The following SYT9 variants were observed in gnomAD, a reference collection of about 807,000 sequenced individuals.
SYT9 encodes synaptotagmin-9.
A neutral mutation model predicts 48.4 loss-of-function variants in SYT9; 22 were observed. The ratio of observed to expected loss-of-function variants is 0.45; its 90% CI spans 0.32 to 0.65. The LOEUF (loss-of-function observed/expected upper bound fraction) is 0.65, where lower values mean the gene tolerates loss of function less well. SYT9 is among the 30% of genes least tolerant of loss of function. The pLI, the probability that SYT9 is intolerant of heterozygous loss-of-function variation, is 0.03. For missense variants in SYT9, 577 were observed against 622.0 expected (o/e 0.93, Z 0.77); for synonymous variants, 265 against 245.0 (o/e 1.08, Z -0.76).
At chr11:7,260,737 G>A (rs1467418871) in intron 1 of SYT9, among the ~76,000 whole-genome samples, 3 of 152,134 alleles carry the variant, frequency 2.0e-5, no homozygotes, top group Non-Finnish European at 4.4e-5. Flanking sequence ...ATCAATGAAT[G>A]GAAGTTTACC....
At chr11:7,415,909 GAAGA>G in intron 3 of SYT9, 129 bp from the exon 4 acceptor site, 1 of 1,117,278 alleles carries the variant, frequency 9.0e-7, no homozygotes, top group Middle Eastern at 2.7e-4. Flanking sequence ...GACATGAACG[GAAGA>G]GATACCAGGG....
At chr11:7,250,440 TC>T (rs35685637), upstream of SYT9, among the ~76,000 whole-genome samples, 2 of 116,338 alleles carry the variant, frequency 1.7e-5, no homozygotes, top group African/African-American at 3.5e-5. Context: ...TTACTATATG[TC>T]CCCCCCGCCA....
chr11:7,351,528 T>C (rs1230057449), intron 3 of SYT9, among the ~76,000 whole-genome samples: 1 of 152,190 alleles, frequency 6.6e-6, no homozygotes, highest in Non-Finnish European at 1.5e-5. Context: ...AGCCTTACCC[T>C]GTCATCATTG....
chr11:7,281,353 T>C (rs1848489210), intron 1 of SYT9, among the ~76,000 whole-genome samples: 1 of 152,350 alleles, frequency 6.6e-6, no homozygotes, highest in African/African-American at 2.4e-5. Context: ...GCTCTGTGTT[T>C]TGCATCAGTA....
chr11:7,340,934 C>T lies in SYT9; in HGVS notation c.1044+26993C>T, dbSNP rs556826236. ...AGGGCTGCTGCAGTGTGCTGGGGGTCTGCTCCAGTTCCTACTCACCTTGGA... is the reference window on the plus strand; with the variant it reads ...AGGGCTGCTGCAGTGTGCTGGGGGTTTGCTCCAGTTCCTACTCACCTTGGA... On this transcript the variant is annotated intron_variant, in intron 3 of 6. Transcript: ENST00000318881. Among the ~76,000 whole-genome samples, 159 of 152,322 alleles carry T rather than the reference C, an allele frequency of 1.0e-3. 1 individual carries two copies. Among genetic ancestry groups the T allele is most frequent in the African/African-American group, 3.5e-3 (145 of 41,564 alleles).
At chr11:7,360,727 A>G (rs751224811) in intron 3 of SYT9, among the ~76,000 whole-genome samples, 7 of 152,160 alleles carry the variant, frequency 4.6e-5, no homozygotes, top group Non-Finnish European at 8.8e-5. Flanking sequence ...TCATGTTGTT[A>G]TGATATCAAA....
chr11:7,411,392 T>A (rs958605258), intron 3 of SYT9, among the ~76,000 whole-genome samples: 1 of 152,318 alleles, frequency 6.6e-6, no homozygotes, highest in East Asian at 1.9e-4. Flanking sequence ...TATTCCGGGT[T>A]TAGGACTTCT....
chr11:7,449,081 C>T (rs560795795), intron 6 of SYT9, among the ~76,000 whole-genome samples: 183 of 152,202 alleles, frequency 1.2e-3, no homozygotes, highest in African/African-American at 4.2e-3. Flanking sequence ...TGGTGGCTCA[C>T]ACCTGTAATC....
chr11:7,343,998 A>G (rs907634248), intron 3 of SYT9, among the ~76,000 whole-genome samples: 2 of 152,160 alleles, frequency 1.3e-5, no homozygotes, highest in Non-Finnish European at 1.5e-5. Flanking sequence ...TCATGATTCA[A>G]TTATCTCCCA....
chr11:7,450,912 G>T (rs927735477), intron 6 of SYT9, among the ~76,000 whole-genome samples: 1 of 152,182 alleles, frequency 6.6e-6, no homozygotes, highest in African/African-American at 2.4e-5. Context: ...GGTCAGTGTC[G>T]GGATCACACA....
chr11:7,297,533 T>C (rs1337729090), intron 1 of SYT9, among the ~76,000 whole-genome samples: 1 of 152,212 alleles, frequency 6.6e-6, no homozygotes, highest in Non-Finnish European at 1.5e-5. Context: ...GTGTCTTAGT[T>C]GTATGGTGTT....
At chr11:7,408,529 A>G (rs1218596580) in intron 3 of SYT9, among the ~76,000 whole-genome samples, 2 of 152,122 alleles carry the variant, frequency 1.3e-5, no homozygotes, top group Non-Finnish European at 2.9e-5. Context: ...AGTGTTTTGT[A>G]GTTTTTCTTA....
Position 7,334,947 on chromosome 11 carries a change from T to C in SYT9, c.1044+21006T>C, listed in dbSNP as rs76878499. Among the ~76,000 whole-genome samples, 15 of 152,360 alleles carry C rather than the reference T, an allele frequency of 9.8e-5. No homozygotes were observed. In the East Asian group the frequency reaches 2.9e-3, roughly 29 times the overall value. On this transcript the variant is annotated intron_variant, in intron 3 of 6. Coordinates refer to ENST00000318881, the MANE Select transcript of SYT9 (RefSeq NM_175733.4). ...AGTAAAGCTGCCATGAACATTCATG[T>C]GCTTTGTATGGACATATGCTTTTAC... is the stretch of plus-strand genomic sequence containing the variant.
At chr11:7,396,159 A>G (rs2134067859) in intron 3 of SYT9, among the ~76,000 whole-genome samples, 1 of 152,210 alleles carries the variant, frequency 6.6e-6, no homozygotes, top group East Asian at 1.9e-4. Context: ...ATAATCATGT[A>G]AACATTGTCA....
At chr11:7,464,064 G>T (rs574498408) in intron 6 of SYT9, among the ~76,000 whole-genome samples, 4 of 152,284 alleles carry the variant, frequency 2.6e-5, no homozygotes, top group African/African-American at 9.6e-5. Flanking sequence ...GGTCCCTAAG[G>T]CTGGGTACTT....
chr11:7,338,125 C>T (rs550740806), intron 3 of SYT9, among the ~76,000 whole-genome samples: 1 of 152,230 alleles, frequency 6.6e-6, no homozygotes, highest in South Asian at 2.1e-4. Flanking sequence ...TCTATCTCTT[C>T]TAGGTTTTTA....
chr11:7,320,190 A>G (rs1483050747), intron 3 of SYT9, among the ~76,000 whole-genome samples: 1 of 152,218 alleles, frequency 6.6e-6, no homozygotes, highest in Non-Finnish European at 1.5e-5. Context: ...TAGCTGAATA[A>G]TAGCCAAATC....
intron 1 of SYT9, among the ~76,000 whole-genome samples, chr11:7,268,748 T>G (rs1277486201): frequency 6.6e-6 from 1 of 152,118 alleles, no homozygotes; most frequent in African/African-American, 2.4e-5. Context: ...GAGACGTGTT[T>G]TACATATTGT....
At chr11:7,405,280 A>G (rs1846984312) in intron 3 of SYT9, among the ~76,000 whole-genome samples, 1 of 152,084 alleles carries the variant, frequency 6.6e-6, no homozygotes, top group Non-Finnish European at 1.5e-5. Context: ...ATCATCCCTG[A>G]GCTCTACCCA....
Sources: gnomAD v4.1 joint callset for allele counts (sites outside exome capture counted in the v4.1 genomes callset) on GRCh38, gnomAD v4.1.1 for gene constraint, MANE v1.5 for transcripts, NCBI Gene and HGNC (gene_info 2026-07-23, HGNC 2026-07-21) for gene names.